KLHL1: variants seen among roughly 807,000 people sequenced by gnomAD.
KLHL1 encodes kelch like family member 1, also known as kelch-like protein 1.
Under a neutral mutation model 77.7 loss-of-function variants are expected in KLHL1, and 47 were observed. The observed-to-expected ratio is 0.60, with a 90% CI of 0.48 to 0.77. The LOEUF is 0.77. KLHL1 is among the 30% of genes least tolerant of loss of function. The pLI is 0.00. For missense variants in KLHL1, 925 were observed against 910.8 expected, an observed-to-expected ratio of 1.02 and a Z score of -0.20; for synonymous variants, 360 against 325.2, an observed-to-expected ratio of 1.11 and a Z score of -1.15.
At chr13:69,720,203 A>G (rs1872981619) in intron 8 of KLHL1, among the ~76,000 whole-genome samples, 1 of 152,238 alleles carries the variant, frequency 6.6e-6, no homozygotes, top group South Asian at 2.1e-4. Context: ...TCATCTTGCT[A>G]TAATTATTTT....
intron 1 of KLHL1, among the ~76,000 whole-genome samples, chr13:69,981,553 G>C (rs569162533): frequency 3.6e-4 from 55 of 152,036 alleles, no homozygotes; most frequent in African/African-American, 1.2e-3. Context: ...TTAACTATTT[G>C]TTTGAGCCCA....
intron 1 of KLHL1, among the ~76,000 whole-genome samples, chr13:70,048,895 A>G (rs553303273): frequency 1.3e-5 from 2 of 152,300 alleles, no homozygotes; most frequent in South Asian, 2.1e-4. Flanking sequence ...TGAAAGGGGC[A>G]GAAAGTAGGC....
intron 1 of KLHL1, among the ~76,000 whole-genome samples, chr13:70,012,339 T>C (rs1208652980): frequency 6.6e-6 from 1 of 152,200 alleles, no homozygotes; most frequent in African/African-American, 2.4e-5. Context: ...GGCTGGAAAC[T>C]AGAAATTGTA....
intron 8 of KLHL1, among the ~76,000 whole-genome samples, chr13:69,736,073 A>G (rs1188016827): frequency 6.6e-6 from 1 of 152,220 alleles, no homozygotes; most frequent in Non-Finnish European, 1.5e-5. Flanking sequence ...TGCACAGCAA[A>G]AGATACAATC....
chr13:69,996,066 A>G (rs555683735), intron 1 of KLHL1, among the ~76,000 whole-genome samples: 35 of 152,246 alleles, frequency 2.3e-4, no homozygotes, highest in African/African-American at 7.5e-4. Flanking sequence ...GCACTTTGGG[A>G]GGTCAATGCG....
At chr13:69,744,546 G>A (rs1468165188) in intron 7 of KLHL1, among the ~76,000 whole-genome samples, 1 of 150,726 alleles carries the variant, frequency 6.6e-6, no homozygotes. Context: ...CATTGTATAT[G>A]TAATGTAAAA....
At chr13:70,048,753 T>C (rs1886559774) in intron 1 of KLHL1, among the ~76,000 whole-genome samples, 2 of 152,304 alleles carry the variant, frequency 1.3e-5, no homozygotes, top group South Asian at 4.1e-4. Context: ...GGAGAGCAGT[T>C]GTAAATACAG....
intron 1 of KLHL1, among the ~76,000 whole-genome samples, chr13:70,021,341 G>A (rs1474257059): frequency 6.6e-6 from 1 of 151,978 alleles, no homozygotes; most frequent in Non-Finnish European, 1.5e-5. Context: ...GGCTTGATAG[G>A]CCACTTCTTT....
chr13:69,991,676 CA>C (rs56960573), intron 1 of KLHL1, among the ~76,000 whole-genome samples: 21,300 of 139,928 alleles, frequency 0.15, 2,991 homozygotes, highest in African/African-American at 0.39. Context: ...GCCTATCAAC[CA>C]AAAAAAAAAA....
intron 1 of KLHL1, among the ~76,000 whole-genome samples, chr13:70,029,233 T>C (rs1261049823): frequency 6.6e-6 from 1 of 152,034 alleles, no homozygotes; most frequent in Admixed American, 6.6e-5. Flanking sequence ...ATAAGAATGT[T>C]AGGGTGTTTT....
chr13:69,734,880 T>C (rs531179942), intron 8 of KLHL1, among the ~76,000 whole-genome samples: 1 of 152,236 alleles, frequency 6.6e-6, no homozygotes, highest in East Asian at 1.9e-4. Context: ...CTTCTCATGA[T>C]TAAAGTCAAT....
At chr13:69,876,989 A>G (rs1236578594) in intron 5 of KLHL1, among the ~76,000 whole-genome samples, 1 of 152,060 alleles carries the variant, frequency 6.6e-6, no homozygotes, top group Non-Finnish European at 1.5e-5. Flanking sequence ...GTGAGCCAAG[A>G]CTGTGCCACT....
At chr13:70,043,392 A>G (rs1886424015) in intron 1 of KLHL1, among the ~76,000 whole-genome samples, 1 of 152,196 alleles carries the variant, frequency 6.6e-6, no homozygotes, top group South Asian at 2.1e-4. Flanking sequence ...GAAAGTTAAG[A>G]TCAATTTATT....
intron 2 of KLHL1, 126 bp downstream of exon 2, chr13:69,975,494 C>A (rs1884517709): frequency 3.8e-6 from 3 of 784,402 alleles, no homozygotes; most frequent in East Asian, 3.1e-5. Context: ...ACAACAACAA[C>A]AACAAAAAAC....
intron 6 of KLHL1, among the ~76,000 whole-genome samples, chr13:69,823,490 A>C (rs1878421710): frequency 6.6e-6 from 1 of 152,060 alleles, no homozygotes; most frequent in African/African-American, 2.4e-5. Flanking sequence ...AATTATTTAC[A>C]TTTCTAATAA....
chr13:69,922,193 T>C (rs1376611463), intron 4 of KLHL1, among the ~76,000 whole-genome samples: 2 of 152,166 alleles, frequency 1.3e-5, no homozygotes, highest in African/African-American at 2.4e-5. Context: ...GGGATTCTCC[T>C]GCCTTGGCCT....
At chr13:69,713,323 C>T (rs1875965146) in intron 9 of KLHL1, among the ~76,000 whole-genome samples, 1 of 152,098 alleles carries the variant, frequency 6.6e-6, no homozygotes, top group African/African-American at 2.4e-5. Flanking sequence ...GTTCTGTTAA[C>T]ATGTCTAATA....
At chr13:69,997,803 C>G (rs2137321559) in intron 1 of KLHL1, among the ~76,000 whole-genome samples, 1 of 148,122 alleles carries the variant, frequency 6.8e-6, no homozygotes, top group African/African-American at 2.5e-5. Context: ...TTTTATATCT[C>G]ACCTATTCTT....
chr13:70,042,889 G>C (rs1309613455), intron 1 of KLHL1, among the ~76,000 whole-genome samples: 5 of 152,168 alleles, frequency 3.3e-5, no homozygotes, highest in Admixed American at 2.6e-4. Flanking sequence ...GGGGAAGACA[G>C]TGATATTGAT....
Sources: allele counts gnomAD v4.1 joint callset (sites outside exome capture counted in the v4.1 genomes callset), GRCh38; gene constraint gnomAD v4.1.1; transcripts MANE v1.5; gene names NCBI Gene and HGNC (gene_info 2026-07-23, HGNC 2026-07-21).